AFF1: variants seen among roughly 807,000 people sequenced by gnomAD.
AFF1 encodes the protein AF4/FMR2 family member 1.
In AFF1, 48 loss-of-function variants were observed where a neutral mutation model predicts 121.7. That is an observed-to-expected ratio of 0.39 (90% CI 0.31 to 0.50). The LOEUF (loss-of-function observed/expected upper bound fraction) is 0.50, where lower values mean the gene tolerates loss of function less well. AFF1 is among the 20% of genes least tolerant of loss of function. The probability of loss-of-function intolerance (pLI) is 0.76; values close to 1 mark genes in which losing one functional copy is unlikely to be tolerated. For missense variants in AFF1, 1,523 were observed against 1,511.7 expected (o/e 1.01, Z -0.12); for synonymous variants, 613 against 563.0 (o/e 1.09, Z -1.26).
At chr4:87,006,833 G>A (rs897860155) in intron 2 of AFF1, among the ~76,000 whole-genome samples, 9 of 152,190 alleles carry the variant, frequency 5.9e-5, no homozygotes, top group African/African-American at 2.2e-4. Flanking sequence ...CGGCGCCCAG[G>A]CTCTGCCCCC....
chr4:87,000,275 A>T (rs867839938), intron 2 of AFF1, among the ~76,000 whole-genome samples: 1 of 152,216 alleles, frequency 6.6e-6, no homozygotes, highest in Non-Finnish European at 1.5e-5. Flanking sequence ...CCAAAACCAG[A>T]TAGAGGAACA....
chr4:87,122,977 C>T (rs1198163568), intron 12 of AFF1, among the ~76,000 whole-genome samples: 2 of 151,718 alleles, frequency 1.3e-5, no homozygotes, highest in Admixed American at 1.3e-4. Flanking sequence ...TCACTGCACC[C>T]TCCACCTCCT....
Position 87,125,153 on chromosome 4 carries a change from G to C in AFF1, c.2573+10G>C, listed in dbSNP as rs1239975541. On this transcript the variant is annotated intron_variant, in intron 13 of 20. Coordinates refer to ENST00000395146, the MANE Select transcript of AFF1 (RefSeq NM_001166693.3). ...AATCTTCTAAAACAAAGTGAGTATA[G>C]AGATTAGCAACCACCTAATCTACGG... 16 of 1,598,848 alleles carry C rather than the reference G, an allele frequency of 1.0e-5. No individual in the cohort carries two copies. Among genetic ancestry groups the C allele is most frequent in the Non-Finnish European group, 1.4e-5 (16 of 1,171,020 alleles).
chr4:86,952,669 A>G (rs1343772218), intron 2 of AFF1, among the ~76,000 whole-genome samples: 2 of 150,124 alleles, frequency 1.3e-5, no homozygotes, highest in African/African-American at 4.9e-5. Context: ...AAAAAAAAAC[A>G]AAAAAACAAA....
At chr4:87,057,995 A>G (rs1720326817) in intron 4 of AFF1, among the ~76,000 whole-genome samples, 1 of 152,188 alleles carries the variant, frequency 6.6e-6, no homozygotes, top group Admixed American at 6.5e-5. Flanking sequence ...TCTGGTGTAA[A>G]CAGTTCACTT....
intron 2 of AFF1, among the ~76,000 whole-genome samples, chr4:87,033,882 T>C (rs1166363313): frequency 2.0e-5 from 3 of 152,192 alleles, no homozygotes; most frequent in Non-Finnish European, 4.4e-5. Context: ...TATGTAGAGT[T>C]AGATGTGCAA....
chr4:86,957,944 C>T (rs1385182495), intron 2 of AFF1, among the ~76,000 whole-genome samples: 1 of 152,104 alleles, frequency 6.6e-6, no homozygotes, highest in Non-Finnish European at 1.5e-5. Flanking sequence ...AAGCAAATTC[C>T]ATTTCACTTC....
chr4:86,954,878 G>A (rs1721628764), intron 2 of AFF1, among the ~76,000 whole-genome samples: 1 of 152,144 alleles, frequency 6.6e-6, no homozygotes, highest in African/African-American at 2.4e-5. Flanking sequence ...ATGGACTTGT[G>A]CAGTTCAAGC....
At chr4:87,025,330 G>A (rs1395877819) in intron 2 of AFF1, among the ~76,000 whole-genome samples, 1 of 152,126 alleles carries the variant, frequency 6.6e-6, no homozygotes, top group Non-Finnish European at 1.5e-5. Flanking sequence ...AAACTTTTTG[G>A]TACAATTCTC....
chr4:87,027,946 C>T (rs1728695243), intron 2 of AFF1, among the ~76,000 whole-genome samples: 1 of 151,782 alleles, frequency 6.6e-6, no homozygotes, highest in African/African-American at 2.4e-5. Context: ...AGGCGTGCAC[C>T]ACCAGGCCTG....
chr4:86,995,754 C>A (rs1285965461), intron 2 of AFF1, among the ~76,000 whole-genome samples: 2 of 151,944 alleles, frequency 1.3e-5, no homozygotes, highest in African/African-American at 4.8e-5. Flanking sequence ...AAGTGAGGAG[C>A]GTCTCTGCCA....
chr4:87,013,028 A>G (rs1291498834), intron 2 of AFF1, among the ~76,000 whole-genome samples: 1 of 105,172 alleles, frequency 9.5e-6, no homozygotes, highest in Non-Finnish European at 1.7e-5. Context: ...ACTGCTATCA[A>G]GTTCTTTTTT....
At chr4:87,007,343 G>A in intron 2 of AFF1, 1 of 1,610,294 alleles carries the variant, frequency 6.2e-7, no homozygotes, top group Non-Finnish European at 8.5e-7. Context: ...GCGCGGCGCT[G>A]GCAGCAGGGC....
At chr4:87,096,076 A>G (rs1724807676) in intron 8 of AFF1, among the ~76,000 whole-genome samples, 1 of 152,154 alleles carries the variant, frequency 6.6e-6, no homozygotes, top group Non-Finnish European at 1.5e-5. Context: ...GGTCTGGGTT[A>G]AGTGTTTGTT....
intron 2 of AFF1, among the ~76,000 whole-genome samples, chr4:86,954,562 C>CA (rs1385769256): frequency 6.6e-6 from 1 of 151,970 alleles, no homozygotes; most frequent in Non-Finnish European, 1.5e-5. Context: ...CCTGTCTCTA[C>CA]AAAAAATACA....
intron 2 of AFF1, among the ~76,000 whole-genome samples, chr4:86,949,173 TA>T (rs1721081961): frequency 3.6e-5 from 4 of 111,526 alleles, no homozygotes; most frequent in East Asian, 2.6e-4. Flanking sequence ...AATATATATA[TA>T]TATATATTTT....
intron 11 of AFF1, among the ~76,000 whole-genome samples, chr4:87,111,889 C>G (rs372824238): frequency 6.6e-6 from 1 of 152,102 alleles, no homozygotes; most frequent in African/African-American, 2.4e-5. Flanking sequence ...GTAATCAGGA[C>G]GTTCCTTTAG....
At position 87,126,247 on chromosome 4, in the gene AFF1, A is replaced by G. The variant is rs966336441; in HGVS notation, c.2722A>G (p.Ser908Gly). 6.2e-7 allele frequency: 1 copy of G among 1,614,028 alleles called. No individual in the cohort carries two copies. The highest frequency in any genetic ancestry group is 8.5e-7 in the Non-Finnish European group (1 of 1,180,032). The change falls in exon 14 of 21, where the codon AGC (serine) becomes GGC (glycine). Residue 908 changes from serine (S) to glycine (G), a missense_variant. Ser to Gly is a moderately conservative substitution (Grantham distance 56, BLOSUM62 0). Around this residue, in one of 5 missense-constraint regions of AFF1, gnomAD observed 905 missense variants for 842.5 expected, o/e 1.07. Transcript: ENST00000395146. Reference protein sequence around the residue: ...TCGQDPPKSASSTKSNHKDSS... With the variant: ...TCGQDPPKSAGSTKSNHKDSS... ...TGGCCAGGACCCTCCCAAAAGTGCC[A>G]GCAGTACCAAGAGCAACCACAAAGA...
chr4:87,088,605 ATT>A (rs11296813), intron 5 of AFF1, among the ~76,000 whole-genome samples: 2 of 149,818 alleles, frequency 1.3e-5, no homozygotes, highest in African/African-American at 2.4e-5. Context: ...TTGTATGTCA[ATT>A]TTTTTTTTTG....
Sources: allele counts gnomAD v4.1 joint callset (sites outside exome capture counted in the v4.1 genomes callset), GRCh38; gene constraint gnomAD v4.1.1; regional missense constraint gnomAD v4.1.1; transcripts MANE v1.5; gene names NCBI Gene and HGNC (gene_info 2026-07-23, HGNC 2026-07-21).